ABCC5: variants seen among roughly 807,000 people sequenced by gnomAD.
The protein encoded by ABCC5 is ATP-binding cassette sub-family C member 5.
ABCC5 carries 61 observed loss-of-function variants against 160.9 expected under a neutral mutation model. The observed-to-expected ratio is 0.38, with a 90% CI of 0.31 to 0.47. ABCC5 has a LOEUF of 0.47. Ranked by LOEUF, ABCC5 falls within the 20% of genes least tolerant of loss-of-function variation. The pLI is 0.99. For missense variants in ABCC5, 1,308 were observed against 1,813.3 expected (o/e 0.72, Z 5.06); for synonymous variants, 666 against 700.6 (o/e 0.95, Z 0.78).
intron 2 of ABCC5, among the ~76,000 whole-genome samples, chr3:183,989,663 C>T (rs538624891): frequency 1.3e-5 from 2 of 150,972 alleles, no homozygotes; most frequent in African/African-American, 2.4e-5. Context: ...CTCCCATATA[C>T]CTCTGTACCT....
At chr3:183,966,353 C>T (rs1302074162) in intron 12 of ABCC5, among the ~76,000 whole-genome samples, 2 of 152,152 alleles carry the variant, frequency 1.3e-5, no homozygotes, top group Non-Finnish European at 2.9e-5. Context: ...TGTGGAAAGC[C>T]GGCACTTCTG....
intron 2 of ABCC5, chr3:184,010,109 C>G (rs910625826): frequency 3.8e-6 from 1 of 263,296 alleles, no homozygotes; most frequent in Non-Finnish European, 7.7e-6. Context: ...GAGTTCAAGA[C>G]CAGCCTGGCC....
chr3:183,999,689 G>A (rs923746223), intron 2 of ABCC5, among the ~76,000 whole-genome samples: 1 of 152,090 alleles, frequency 6.6e-6, no homozygotes, highest in African/African-American at 2.4e-5. Context: ...TAAGGCAGGA[G>A]GATCGCTTGA....
chr3:184,008,264 C>A (rs1176613598), intron 2 of ABCC5, among the ~76,000 whole-genome samples: 1 of 152,118 alleles, frequency 6.6e-6, no homozygotes, highest in Admixed American at 6.6e-5. Context: ...TGAATAAACA[C>A]TGACTGCATC....
chr3:183,946,021 G>C, intron 23 of ABCC5, 82 bp from the exon 24 acceptor site: 1 of 1,280,788 alleles, frequency 7.8e-7, no homozygotes, highest in Non-Finnish European at 1.1e-6. Context: ...CCTTCATCTA[G>C]AGGACTACTA....
At position 183,925,184 on chromosome 3, in the gene ABCC5, T is replaced by C. The variant is rs540059162; in HGVS notation, c.4212+371A>G. On this transcript the variant is annotated intron_variant, in intron 29 of 29. Transcript: ENST00000334444. ...GTATGTGAATGAATCACTAAGTACA[T>C]GTACCAGGGATGATAATTGTGTATG... 8.5e-4 allele frequency among the ~76,000 whole-genome samples: 129 copies of C among 152,326 alleles called. No individual in the cohort carries two copies. The Middle Eastern group carries it at 0.01, about 12-fold the overall frequency.
rs140099308 is a variant in ABCC5, at chr3:184,014,342, A to G, written c.51T>C (p.Tyr17=). 1.0e-4 allele frequency: 166 copies of G among 1,613,936 alleles called. No homozygotes were observed. The highest frequency in any genetic ancestry group is 1.4e-4 in the Non-Finnish European group (163 of 1,179,946). The change falls in exon 2 of 30, where the codon TAT becomes TAC. Residue 17 remains tyrosine, a synonymous_variant. Coordinates refer to ENST00000334444, the MANE Select transcript of ABCC5 (RefSeq NM_005688.4). ...GKEYIIPSPG[Y]RSVRERTSTS... ...TGCTGGTTCTCTCCCTCACACTTCT[A>G]TACCCAGGACTGGGGATGATATACT...
chr3:184,013,573 A>G (rs1721936193), intron 2 of ABCC5, among the ~76,000 whole-genome samples: 1 of 152,188 alleles, frequency 6.6e-6, no homozygotes, highest in Admixed American at 6.5e-5. Flanking sequence ...TTTTAAACAC[A>G]CATGACAGAA....
chr3:183,957,668 C>T (rs1319097065), intron 17 of ABCC5, among the ~76,000 whole-genome samples: 2 of 151,556 alleles, frequency 1.3e-5, no homozygotes, highest in Non-Finnish European at 2.9e-5. Context: ...GTGTACCTCA[C>T]ACCGGTTACA....
At chr3:183,961,467 T>C (rs779969092) in intron 16 of ABCC5, 44 bp downstream of exon 16, 40 of 1,606,146 alleles carry the variant, frequency 2.5e-5, no homozygotes, top group Non-Finnish European at 5.1e-6. Flanking sequence ...GTGTTTCCCT[T>C]GCAGAGACAG....
At chr3:183,985,306 G>T in intron 5 of ABCC5, 1 of 1,613,480 alleles carries the variant, frequency 6.2e-7, no homozygotes, top group South Asian at 1.1e-5. Context: ...TACCTTACCT[G>T]AACTCTTGGC....
chr3:183,962,699 T>C (rs529915831), intron 15 of ABCC5, among the ~76,000 whole-genome samples: 1 of 152,078 alleles, frequency 6.6e-6, no homozygotes, highest in East Asian at 1.9e-4. Flanking sequence ...GCCTGGATAA[T>C]TTTTGTATTT....
At position 183,963,648 on chromosome 3, in the gene ABCC5, G is replaced by A; in HGVS notation, c.2032-60C>T. The A allele has an allele frequency of 6.5e-7, 1 of 1,528,022 alleles. No homozygotes were observed. The highest frequency in any genetic ancestry group is 9.0e-7 in the Non-Finnish European group (1 of 1,115,426). The allele number at this position is 1,528,022 out of a possible 1,614,324, so 94.7% of individuals were successfully genotyped here. A position where few individuals can be genotyped will look rare whatever the true frequency, so the allele number is the denominator to read the frequency against. On this transcript the variant is annotated intron_variant, in intron 14 of 29. Transcript: ENST00000334444. This position sits in a 1 kb window ranked among gnomAD's most constrained non-coding sequence, Gnocchi z 4.6. ...CGCAAGTCCAGAACAGCGTGGAGGGGTCACCCAGTCACTTCTCTTCTTGCC... is the reference window on the plus strand; with the variant it reads ...CGCAAGTCCAGAACAGCGTGGAGGGATCACCCAGTCACTTCTCTTCTTGCC...
chr3:183,978,888 C>G (rs115653048), intron 8 of ABCC5, among the ~76,000 whole-genome samples: 8 of 152,218 alleles, frequency 5.3e-5, no homozygotes, highest in Non-Finnish European at 1.0e-4. Flanking sequence ...TCTATGATAC[C>G]TTTTTCTGAT....
Position 183,988,723 on chromosome 3 carries a change from G to C in ABCC5, c.292C>G (p.Gln98Glu). The C allele has an allele frequency of 6.2e-7, 1 of 1,612,034 alleles. No individual in the cohort carries two copies. Among genetic ancestry groups the C allele is most frequent in the African/African-American group, 1.3e-5 (1 of 74,804 alleles). ...LKPIRTTSKH[Q>E]HPVDNAGLFS... Reference sequence around the variant, plus strand: ...AGCCCAGCATTGTCCACTGGGTGCTGGTGTCTAAGGAGAGAAAACCGAAAT... The same window carrying C: ...AGCCCAGCATTGTCCACTGGGTGCTCGTGTCTAAGGAGAGAAAACCGAAAT... Residue 98 changes from glutamine (Q) to glutamate (E), a missense_variant, in exon 4 of 30, where the codon CAG (glutamine) becomes GAG (glutamate). Gln to Glu is a conservative substitution (Grantham distance 29). This residue lies in a region of ABCC5 where 1,142 missense variants were observed against 1,527.1 expected (regional missense o/e 0.75). Transcript: ENST00000334444. The surrounding 1 kb of genome is among the most constrained non-coding windows in gnomAD (Gnocchi z 4.4).
chr3:183,990,906 G>A (rs1719706231), intron 2 of ABCC5, among the ~76,000 whole-genome samples: 1 of 152,210 alleles, frequency 6.6e-6, no homozygotes, highest in South Asian at 2.1e-4. Flanking sequence ...TCCTGTTGTA[G>A]AAGCAGAAGC....
At chr3:183,942,503 G>A (rs1325606222) in intron 25 of ABCC5, 2 of 677,392 alleles carry the variant, frequency 3.0e-6, no homozygotes, top group Non-Finnish European at 5.4e-6. Context: ...ACTTGGCTGT[G>A]TGCCCCAGTG....
At chr3:183,983,046 G>A (rs1041823822) in intron 5 of ABCC5, 39 bp from the exon 6 acceptor site, 13 of 1,524,304 alleles carry the variant, frequency 8.5e-6, no homozygotes, top group Admixed American at 6.7e-5. Flanking sequence ...ACATCTCCAC[G>A]GCACTCACAC....
Position 184,017,462 on chromosome 3 carries a change from G to A in ABCC5, c.-56+368C>T, listed in dbSNP as rs924031741. On this transcript the variant is annotated intron_variant, in intron 1 of 29. Coordinates refer to ENST00000334444, the MANE Select transcript of ABCC5 (RefSeq NM_005688.4). This position sits in a 1 kb window ranked among gnomAD's most constrained non-coding sequence, Gnocchi z 4.5. Reference sequence around the variant, plus strand: ...CAGACCCGCTTCGCCTGGGATGCCCGGGCCCTAGGGCGTTCCCACAGCCCG... The same window carrying A: ...CAGACCCGCTTCGCCTGGGATGCCCAGGCCCTAGGGCGTTCCCACAGCCCG... 2 of 152,136 alleles carry A rather than the reference G, an allele frequency of 1.3e-5. No individual in the cohort carries two copies. The highest frequency in any genetic ancestry group is 2.9e-5 in the Non-Finnish European group (2 of 68,020). The allele number at this position is 152,136 out of a possible 1,614,324, so 9.4% of individuals were successfully genotyped here. A position where few individuals can be genotyped will look rare whatever the true frequency, so the allele number is the denominator to read the frequency against.
Sources: gnomAD v4.1 joint callset for allele counts (sites outside exome capture counted in the v4.1 genomes callset) on GRCh38, gnomAD v4.1.1 for gene constraint, gnomAD v4.1.1 regional missense constraint, Gnocchi (gnomAD v3.1) non-coding constraint, MANE v1.5 for transcripts, NCBI Gene and HGNC (gene_info 2026-07-23, HGNC 2026-07-21) for gene names.